MAK: variants seen among roughly 807,000 people sequenced by gnomAD.
MAK encodes the protein serine/threonine-protein kinase MAK.
In MAK, 65 loss-of-function variants were observed where a neutral mutation model predicts 82.6. That is an observed-to-expected ratio of 0.79 (90% CI 0.64 to 0.97). The LOEUF (loss-of-function observed/expected upper bound fraction) is 0.97, where lower values mean the gene tolerates loss of function less well. Ranked by LOEUF, MAK falls within the 50% of genes least tolerant of loss-of-function variation. MAK has a pLI of 0.00. For synonymous variants in MAK, 250 were observed against 274.2 expected (o/e 0.91, Z 0.87); for missense variants, 703 against 780.2 (o/e 0.90, Z 1.18).
At chr6:10,795,087 T>C (rs1251350603) in intron 9 of MAK, among the ~76,000 whole-genome samples, 2 of 152,160 alleles carry the variant, frequency 1.3e-5, no homozygotes, top group Non-Finnish European at 2.9e-5. Context: ...TGTTAAAAAT[T>C]CTTAAGATTT....
chr6:10,779,127 CA>C (rs918122203), intron 11 of MAK, among the ~76,000 whole-genome samples: 756 of 19,990 alleles, frequency 0.038, 1 homozygote, highest in African/African-American at 0.1. Flanking sequence ...CACTTCGTCT[CA>C]AAAAAAAAAA....
intron 13 of MAK, 133 bp from the exon 14 acceptor site, chr6:10,770,363 C>T: frequency 1.0e-6 from 1 of 964,492 alleles, no homozygotes; most frequent in Non-Finnish European, 1.6e-6. Flanking sequence ...CTGAGCTGCA[C>T]TTGTTACAGA....
chr6:10,801,456 G>GT (rs1237419002), intron 8 of MAK, among the ~76,000 whole-genome samples: 5 of 152,190 alleles, frequency 3.3e-5, no homozygotes, highest in Admixed American at 3.3e-4. Flanking sequence ...GCACACTCCA[G>GT]TCCCAGCAAG....
intron 9 of MAK, among the ~76,000 whole-genome samples, chr6:10,795,529 A>G (rs1396025385): frequency 6.6e-6 from 1 of 152,124 alleles, no homozygotes; most frequent in Admixed American, 6.6e-5. Flanking sequence ...TATCACTTGC[A>G]GTCAGGAACT....
At chr6:10,810,429 T>C (rs954095781) in intron 5 of MAK, among the ~76,000 whole-genome samples, 8 of 145,672 alleles carry the variant, frequency 5.5e-5, no homozygotes, top group African/African-American at 2.0e-4. Flanking sequence ...AACCTCCGCC[T>C]CCTGGGTTCA....
chr6:10,777,999 GTTAT>G (rs1773613463), intron 11 of MAK, among the ~76,000 whole-genome samples: 1 of 152,118 alleles, frequency 6.6e-6, no homozygotes, highest in African/African-American at 2.4e-5. Flanking sequence ...CTAGAATTTT[GTTAT>G]TTATTTGTTT....
chr6:10,764,679 C>A, intron 14 of MAK, 73 bp from the exon 15 acceptor site: 1 of 1,322,822 alleles, frequency 7.6e-7, no homozygotes, highest in Non-Finnish European at 1.1e-6. Flanking sequence ...GAAATTCATC[C>A]TCTCATTTGA....
intron 4 of MAK, among the ~76,000 whole-genome samples, chr6:10,815,326 T>A (rs1777383552): frequency 6.6e-6 from 1 of 151,802 alleles, no homozygotes; most frequent in Admixed American, 6.6e-5. Flanking sequence ...TTTTATTTTT[T>A]GAAAAAGAGA....
intron 2 of MAK, among the ~76,000 whole-genome samples, chr6:10,828,029 A>C (rs1778511362): frequency 6.6e-6 from 1 of 152,088 alleles, no homozygotes; most frequent in Non-Finnish European, 1.5e-5. Flanking sequence ...TGTTTTTTTT[A>C]GTTCATCAAA....
intron 10 of MAK, among the ~76,000 whole-genome samples, chr6:10,790,661 G>A (rs145470960): frequency 0.039 from 5,955 of 152,262 alleles, 184 homozygotes; most frequent in Non-Finnish European, 0.055. Context: ...TCTACTTCCT[G>A]CAACGAGGCA....
chr6:10,817,129 AGTGTGT>A (rs60627741), intron 4 of MAK, among the ~76,000 whole-genome samples: 4 of 149,840 alleles, frequency 2.7e-5, no homozygotes, highest in South Asian at 2.1e-4. Context: ...CTTGAGCGAG[AGTGTGT>A]GTGTGTGTGT....
chr6:10,838,287 A>T (rs530351455), intron 1 of MAK: 1 of 151,784 alleles, frequency 6.6e-6, no homozygotes, highest in Non-Finnish European at 1.5e-5. Context: ...CGGGCTGACC[A>T]CTCCCGCCCG....
intron 4 of MAK, among the ~76,000 whole-genome samples, chr6:10,817,129 A>AGTGTGTGT (rs60627741): frequency 0.5 from 74,383 of 149,786 alleles, 18,781 homozygotes; most frequent in Non-Finnish European, 0.57. Flanking sequence ...CTTGAGCGAG[A>AGTGTGTGT]GTGTGTGTGT....
At chr6:10,814,692 A>T (rs1777324710) in intron 4 of MAK, among the ~76,000 whole-genome samples, 1 of 151,832 alleles carries the variant, frequency 6.6e-6, no homozygotes, top group South Asian at 2.1e-4. Context: ...GGGGGAAATA[A>T]ATTTAGAGAT....
intron 5 of MAK, among the ~76,000 whole-genome samples, chr6:10,812,397 TTTTGA>T (rs1186928071): frequency 1.3e-5 from 2 of 152,162 alleles, no homozygotes; most frequent in Non-Finnish European, 2.9e-5. Flanking sequence ...CTAATAATTA[TTTTGA>T]TTTGATAGAT....
chr6:10,784,540 T>A lies in MAK; in HGVS notation c.1349A>T (p.His450Leu). ...LPEPVPSGSN[H>L]STGENKSLPA... ...TAAGCTCTTGTTTTCCCCTGTCGAG[T>A]GGTTGGAGCCTGAGGGTACTGGCTC... The change falls in exon 11 of 15, where the codon CAC (histidine) becomes CTC (leucine). Residue 450 changes from histidine to leucine, a missense_variant. Transcript: ENST00000354489. 6.2e-7 allele frequency: 1 copy of A among 1,614,048 alleles called. No individual in the cohort carries two copies. The highest frequency in any genetic ancestry group is 8.5e-7 in the Non-Finnish European group (1 of 1,180,006).
intron 11 of MAK, among the ~76,000 whole-genome samples, chr6:10,777,492 A>C (rs1400552177): frequency 1.3e-5 from 2 of 152,194 alleles, no homozygotes; most frequent in African/African-American, 4.8e-5. Context: ...CACAGTTGTC[A>C]TAACAAAGAA....
intron 14 of MAK, among the ~76,000 whole-genome samples, chr6:10,769,460 G>T (rs1772785570): frequency 6.6e-6 from 1 of 151,650 alleles, no homozygotes; most frequent in Non-Finnish European, 1.5e-5. Flanking sequence ...GCTTACCTCA[G>T]TTAGGCATAA....
At chr6:10,818,044 TAA>T (rs748010954) in intron 3 of MAK, 73 bp from the exon 4 acceptor site, 5 of 797,378 alleles carry the variant, frequency 6.3e-6, no homozygotes, top group Non-Finnish European at 9.8e-6. Context: ...GCATCAATGC[TAA>T]GTGTAATAAT....
Sources: gnomAD v4.1 joint callset for allele counts (sites outside exome capture counted in the v4.1 genomes callset) on GRCh38, gnomAD v4.1.1 for gene constraint, MANE v1.5 for transcripts, NCBI Gene and HGNC (gene_info 2026-07-23, HGNC 2026-07-21) for gene names.